Variants in CAMTA1 observed in about 807,000 individuals in gnomAD.
The protein encoded by CAMTA1 is calmodulin-binding transcription activator 1.
Under a neutral mutation model 170.9 loss-of-function variants are expected in CAMTA1, and 27 were observed. The observed-to-expected ratio is 0.16, with a 90% confidence interval of 0.12 to 0.22. The LOEUF is 0.22. Among genes scored for constraint, CAMTA1 ranks in the 10% least tolerant of loss-of-function variants. CAMTA1 has a pLI of 1.00. For missense variants in CAMTA1, 1,619 were observed against 2,217.2 expected, an observed-to-expected ratio of 0.73 and a Z score of 5.42; for synonymous variants, 833 against 891.5, an observed-to-expected ratio of 0.93 and a Z score of 1.17.
chr1:7,428,252 C>G (rs1188947983), intron 5 of CAMTA1, among the ~76,000 whole-genome samples: 1 of 152,126 alleles, frequency 6.6e-6, no homozygotes, highest in Non-Finnish European at 1.5e-5. Flanking sequence ...AGGCGAATTT[C>G]TAGAGGGGAA....
chr1:7,761,821 G>A (rs2096978400), intron 22 of CAMTA1, among the ~76,000 whole-genome samples: 1 of 151,978 alleles, frequency 6.6e-6, no homozygotes, highest in South Asian at 2.1e-4. Flanking sequence ...TTGTAAGACA[G>A]ATTAGTAACA....
chr1:7,624,332 C>T (rs907492704), intron 6 of CAMTA1, among the ~76,000 whole-genome samples: 10 of 151,964 alleles, frequency 6.6e-5, no homozygotes, highest in African/African-American at 1.7e-4. Context: ...GAGTGCCATC[C>T]GCCATGGTTC....
In CAMTA1 at chr1:7,664,744, G is replaced by A. The variant is rs112057223; in HGVS notation, c.2197G>A (p.Val733Ile). The A allele has an allele frequency of 9.9e-5, 160 of 1,608,398 alleles. No individual in the cohort carries two copies. In the East Asian group the frequency reaches 1.2e-3, roughly 12 times the overall value. ...TNGVIRSAGG[V>I]PILPGNVVQG... Reference sequence around the variant, plus strand: ...CGGGGTAATCCGAAGCGCCGGCGGCGTCCCCATCCTCCCGGGCAACGTGGT... The same window carrying A: ...CGGGGTAATCCGAAGCGCCGGCGGCATCCCCATCCTCCCGGGCAACGTGGT... The change falls in exon 9 of 23, where the codon GTC (valine) becomes ATC (isoleucine). Residue 733 changes from valine (V) to isoleucine (I), a missense_variant. Around this residue, in one of 8 missense-constraint regions of CAMTA1, gnomAD observed 731 missense variants for 907.6 expected, o/e 0.81. Transcript: ENST00000303635.
chr1:7,448,238 G>T (rs191095768), intron 5 of CAMTA1, among the ~76,000 whole-genome samples: 6 of 152,180 alleles, frequency 3.9e-5, no homozygotes, highest in Admixed American at 3.9e-4. Flanking sequence ...GACATGGAGT[G>T]GGGGGGCTCT....
At chr1:6,835,959 A>G (rs1416788040) in intron 3 of CAMTA1, among the ~76,000 whole-genome samples, 1 of 152,154 alleles carries the variant, frequency 6.6e-6, no homozygotes, top group Non-Finnish European at 1.5e-5. Context: ...AGCATGAACA[A>G]TAGTCTCCCC....
intron 7 of CAMTA1, among the ~76,000 whole-genome samples, chr1:7,654,374 T>C (rs2095865876): frequency 6.6e-6 from 1 of 151,792 alleles, no homozygotes; most frequent in Non-Finnish European, 1.5e-5. Flanking sequence ...AGTGAGACCC[T>C]GTCTCAAAAA....
At position 7,064,391 on chromosome 1, in the gene CAMTA1, C is replaced by A. The variant is rs1351785286; in HGVS notation, c.235-26913C>A. 3.3e-5 allele frequency among the ~76,000 whole-genome samples: 5 copies of A among 152,078 alleles called. No individual in the cohort carries two copies. Among genetic ancestry groups the A allele is most frequent in the African/African-American group, 9.7e-5 (4 of 41,400 alleles). On this transcript the variant is annotated intron_variant, in intron 3 of 22. Coordinates refer to ENST00000303635, the MANE Select transcript of CAMTA1 (RefSeq NM_015215.4). The surrounding 1 kb of genome is among the most constrained non-coding windows in gnomAD (Gnocchi z 5.4). ...TTCTGAAGATCTCACCTCCAAATAC[C>A]ATAGCATTGGGGGTTGGGGCTTCAA...
chr1:7,275,686 A>G (rs1670489180), intron 5 of CAMTA1, among the ~76,000 whole-genome samples: 1 of 152,180 alleles, frequency 6.6e-6, no homozygotes, highest in Non-Finnish European at 1.5e-5. Flanking sequence ...CAAATTTCTT[A>G]AAAGATAAAA....
chr1:7,328,905 G>T (rs796104918), intron 5 of CAMTA1, among the ~76,000 whole-genome samples: 66 of 152,052 alleles, frequency 4.3e-4, no homozygotes, highest in African/African-American at 1.5e-3. Flanking sequence ...TTATGTTTTT[G>T]ATAATTCCAA....
rs917391229 is a variant in CAMTA1, at chr1:7,580,359, G to A, written c.511-60041G>A. Among the ~76,000 whole-genome samples the A allele has an allele frequency of 2.0e-5, 3 of 152,140 alleles. No individual in the cohort carries two copies. The highest frequency in any genetic ancestry group is 7.2e-5 in the African/African-American group (3 of 41,426). On this transcript the variant is annotated intron_variant, in intron 6 of 22. Transcript: ENST00000303635. This position sits in a 1 kb window ranked among gnomAD's most constrained non-coding sequence, Gnocchi z 4.3. ...CTTTCTGGAAGGAAGCCCTGTGAAT[G>A]AGGGGAACCCAGGGAGGAAGGGGCT...
intron 5 of CAMTA1, among the ~76,000 whole-genome samples, chr1:7,266,422 G>A (rs1668942502): frequency 1.3e-5 from 2 of 152,248 alleles, no homozygotes; most frequent in African/African-American, 4.8e-5. Context: ...AGGGATGTCT[G>A]CCATTTATCA....
chr1:6,850,993 A>G (rs565786429), intron 3 of CAMTA1, among the ~76,000 whole-genome samples: 3 of 152,212 alleles, frequency 2.0e-5, no homozygotes, highest in Non-Finnish European at 4.4e-5. Flanking sequence ...TCATTAATAG[A>G]AGAAGATAAC....
chr1:7,051,817 C>T (rs1200954734), intron 3 of CAMTA1, among the ~76,000 whole-genome samples: 2 of 152,138 alleles, frequency 1.3e-5, no homozygotes, highest in Non-Finnish European at 2.9e-5. Context: ...TCTGTGGTGT[C>T]CCAGTCTACC....
At chr1:6,932,076 A>G (rs1684514318) in intron 3 of CAMTA1, among the ~76,000 whole-genome samples, 1 of 152,200 alleles carries the variant, frequency 6.6e-6, no homozygotes, top group Non-Finnish European at 1.5e-5. Flanking sequence ...CATATTTAAA[A>G]TGTACAACTC....
At chr1:7,474,696 T>G (rs7527108) in intron 6 of CAMTA1, among the ~76,000 whole-genome samples, 27,413 of 152,216 alleles carry the variant, frequency 0.18, 3,314 homozygotes, top group African/African-American at 0.34. Flanking sequence ...CTCTCTACCC[T>G]TCATACCACC....
intron 5 of CAMTA1, among the ~76,000 whole-genome samples, chr1:7,380,263 C>T (rs1351994452): frequency 1.3e-5 from 2 of 152,204 alleles, no homozygotes; most frequent in Non-Finnish European, 2.9e-5. Flanking sequence ...TCCCTCTCCT[C>T]TGGTATCCCA....
intron 4 of CAMTA1, among the ~76,000 whole-genome samples, chr1:7,149,638 C>A (rs1319925051): frequency 6.6e-6 from 1 of 152,150 alleles, no homozygotes; most frequent in South Asian, 2.1e-4. Context: ...TTTAGCTAGT[C>A]CCCGACACAC....
chr1:7,343,607 CT>C (rs1486120530), intron 5 of CAMTA1, among the ~76,000 whole-genome samples: 6 of 152,186 alleles, frequency 3.9e-5, no homozygotes, highest in Non-Finnish European at 8.8e-5. Context: ...TACCAATTAA[CT>C]GTGTCTGCCA....
At chr1:7,503,365 C>T (rs925345791) in intron 6 of CAMTA1, among the ~76,000 whole-genome samples, 3 of 152,164 alleles carry the variant, frequency 2.0e-5, no homozygotes, top group South Asian at 4.1e-4. Context: ...AAGGGGCTTT[C>T]GGGTCACAAT....
Sources: allele counts gnomAD v4.1 joint callset (sites outside exome capture counted in the v4.1 genomes callset), GRCh38; gene constraint gnomAD v4.1.1; regional missense constraint gnomAD v4.1.1; non-coding constraint Gnocchi (gnomAD v3.1); transcripts MANE v1.5; gene names NCBI Gene and HGNC (gene_info 2026-07-23, HGNC 2026-07-21).